SLC13A5: variants seen among roughly 807,000 people sequenced by gnomAD.
SLC13A5 encodes Na(+)/citrate cotransporter.
In SLC13A5, 25 loss-of-function variants were observed where a neutral mutation model predicts 56.5. The observed-to-expected ratio is 0.44, with a 90% CI of 0.32 to 0.62. The LOEUF (loss-of-function observed/expected upper bound fraction) is 0.62, where lower values mean the gene tolerates loss of function less well. SLC13A5 is among the 20% of genes least tolerant of loss of function. The pLI, the probability that SLC13A5 is intolerant of heterozygous loss-of-function variation, is 0.04. For synonymous variants in SLC13A5, 307 were observed against 301.5 expected (o/e 1.02, Z -0.19); for missense variants, 649 against 737.8 (o/e 0.88, Z 1.39).
rs1246227492 is a variant in SLC13A5 at position 6,711,312 on chromosome 17, C to T, written c.102+1920G>A. Among the ~76,000 whole-genome samples the T allele has an allele frequency of 6.6e-6, 1 of 152,120 alleles. No individual in the cohort carries two copies. Among genetic ancestry groups the T allele is most frequent in the Non-Finnish European group, 1.5e-5 (1 of 68,010 alleles). Reference sequence around the variant, plus strand: ...GACAAGGTCCAGGGTCCTCACCCAACCCCGCCAGAAGGAAAGCTCGTGAAG... The same window carrying T: ...GACAAGGTCCAGGGTCCTCACCCAATCCCGCCAGAAGGAAAGCTCGTGAAG... On this transcript the variant is annotated intron_variant, in intron 1 of 11. Transcript: ENST00000433363. The surrounding 1 kb of genome is among the most constrained non-coding windows in gnomAD (Gnocchi z 4.0).
At chr17:6,691,840 G>C (rs1973413875) in intron 9 of SLC13A5, among the ~76,000 whole-genome samples, 1 of 152,142 alleles carries the variant, frequency 6.6e-6, no homozygotes, top group Admixed American at 6.6e-5. Flanking sequence ...TTCAGTGGCT[G>C]TCTACTGCAT....
At position 6,706,753 on chromosome 17, in the gene SLC13A5, G is replaced by A. The variant is rs1973877695; in HGVS notation, c.257C>T (p.Thr86Ile). Residue 86 changes from threonine (T) to isoleucine (I), a missense_variant, in exon 3 of 12, where the codon ACC becomes ATC. Transcript: ENST00000433363. ...GAGGCCGCCCAGGAACAGCATGTTG[G>A]TGTCCTTCATGTACTGGACACACAC... The part of the protein sequence containing the change: ...RQVCVQYMKD[T>I]NMLFLGGLIV... 1.9e-6 allele frequency: 3 copies of A among 1,614,062 alleles called. No homozygotes were observed. In the East Asian group the frequency reaches 6.7e-5, roughly 36 times the overall value.
At chr17:6,691,179 T>C (rs1216704736) in intron 9 of SLC13A5, among the ~76,000 whole-genome samples, 1 of 152,210 alleles carries the variant, frequency 6.6e-6, no homozygotes, top group African/African-American at 2.4e-5. Context: ...GAAATGTCCA[T>C]CCAGATGTCC....
chr17:6,691,658 A>G (rs531471542), intron 9 of SLC13A5, among the ~76,000 whole-genome samples: 1 of 152,296 alleles, frequency 6.6e-6, no homozygotes, highest in South Asian at 2.1e-4. Context: ...CTGGGGGCCA[A>G]AGGAGGAGAG....
At position 6,692,839 on chromosome 17, in the gene SLC13A5, C is replaced by T; in HGVS notation, c.1275+205G>A. 1 of 582,422 alleles carries T rather than the reference C, an allele frequency of 1.7e-6. No homozygotes were observed. Among genetic ancestry groups the T allele is most frequent in the Non-Finnish European group, 3.1e-6 (1 of 326,298 alleles). The allele number at this position is 582,422 out of a possible 1,614,324, so 36.1% of individuals were successfully genotyped here. On this transcript the variant is annotated intron_variant, in intron 9 of 11. Transcript: ENST00000433363. The surrounding 1 kb of genome is among the most constrained non-coding windows in gnomAD (Gnocchi z 5.5). Reference sequence around the variant, plus strand: ...ACTCATTCACTCATTCCTGCAATCGCTCAAAGGTTACTTTCTGTCTTCCAG... The same window carrying T: ...ACTCATTCACTCATTCCTGCAATCGTTCAAAGGTTACTTTCTGTCTTCCAG...
rs1597651222 is a variant in SLC13A5 at position 6,686,106 on chromosome 17, T to G, written c.*101A>C. 6.5e-7 allele frequency: 1 copy of G among 1,537,720 alleles called. No individual in the cohort carries two copies. The highest frequency in any genetic ancestry group is 2.3e-5 in the East Asian group (1 of 44,064). Reference sequence around the variant, plus strand: ...TTGGTGGTGTGTGGACATCGTTGGGTCATTTTGGGGTGTGAACCCCAAAAC... The same window carrying G: ...TTGGTGGTGTGTGGACATCGTTGGGGCATTTTGGGGTGTGAACCCCAAAAC... On this transcript the variant is annotated 3_prime_UTR_variant, in exon 12 of 12. Transcript: ENST00000433363.
In SLC13A5 at chr17:6,692,968, G is replaced by T; in HGVS notation, c.1275+76C>A. 9.2e-7 allele frequency: 1 copy of T among 1,092,192 alleles called. No homozygotes were observed. Among genetic ancestry groups the T allele is most frequent in the Non-Finnish European group, 1.4e-6 (1 of 704,672 alleles). 67.7% of individuals were successfully genotyped at this position (1,092,192 alleles called of 1,614,324 possible). On this transcript the variant is annotated intron_variant, in intron 9 of 11. Transcript: ENST00000433363. The surrounding 1 kb of genome is among the most constrained non-coding windows in gnomAD (Gnocchi z 5.5). Reference sequence around the variant, plus strand: ...GCAGGCACAGAAACACACAAGCCCAGGGATGGAAGGGTGGAGAAACGCCAC... The same window carrying T: ...GCAGGCACAGAAACACACAAGCCCATGGATGGAAGGGTGGAGAAACGCCAC...
At chr17:6,690,655 A>T in intron 10 of SLC13A5, 124 bp downstream of exon 10, 1 of 1,345,994 alleles carries the variant, frequency 7.4e-7, no homozygotes, top group African/African-American at 1.4e-5. Flanking sequence ...CGTCACAGTC[A>T]GACCTGGGTC....
At chr17:6,710,013 G>C (rs577390015) in intron 1 of SLC13A5, among the ~76,000 whole-genome samples, 12 of 152,346 alleles carry the variant, frequency 7.9e-5, no homozygotes, top group Admixed American at 3.3e-4. Flanking sequence ...GGTGAGGGCA[G>C]GAGAAAGGGT....
At chr17:6,690,424 C>T (rs797002914) in intron 10 of SLC13A5, among the ~76,000 whole-genome samples, 2 of 152,368 alleles carry the variant, frequency 1.3e-5, no homozygotes, top group African/African-American at 4.8e-5. Context: ...CTGCAGTCCT[C>T]CTGCACACCT....
intron 6 of SLC13A5, among the ~76,000 whole-genome samples, chr17:6,698,429 G>A (rs980812402): frequency 2.6e-5 from 4 of 152,220 alleles, no homozygotes; most frequent in African/African-American, 7.2e-5. Context: ...CGGCCTCGGC[G>A]CCATGCTATC....
chr17:6,711,408 A>ATC lies in SLC13A5; in HGVS notation c.102+1822_102+1823dup, dbSNP rs57708304. Reference sequence around the variant, plus strand: ...TGGTCCTCACTCAAAGGACAGCTTAATCTCTCTCTCTCTCTCTCTTACACA... The same window carrying ATC: ...TGGTCCTCACTCAAAGGACAGCTTAATCTCTCTCTCTCTCTCTCTCTTACACA... On this transcript the variant is annotated intron_variant, in intron 1 of 11. Coordinates refer to ENST00000433363, the MANE Select transcript of SLC13A5 (RefSeq NM_177550.5). The surrounding 1 kb of genome is among the most constrained non-coding windows in gnomAD (Gnocchi z 4.0). Among the ~76,000 whole-genome samples the ATC allele has an allele frequency of 1.3e-3, 189 of 147,082 alleles. No homozygotes were observed. Among genetic ancestry groups the ATC allele is most frequent in the African/African-American group, 3.8e-3 (147 of 39,104 alleles).
rs768152742 is a variant in SLC13A5 at position 6,686,111 on chromosome 17, T to C, written c.*96A>G. On this transcript the variant is annotated 3_prime_UTR_variant, in exon 12 of 12. Transcript: ENST00000433363. ...GGTGTGTGGACATCGTTGGGTCATTTTGGGGTGTGAACCCCAAAACTCTGT... is the reference window on the plus strand; with the variant it reads ...GGTGTGTGGACATCGTTGGGTCATTCTGGGGTGTGAACCCCAAAACTCTGT... 1.5e-5 allele frequency: 24 copies of C among 1,556,640 alleles called. No homozygotes were observed. The highest frequency in any genetic ancestry group is 1.1e-4 in the South Asian group (9 of 84,958).
In SLC13A5 at chr17:6,713,194, G is replaced by T. The variant is rs1391920396; in HGVS notation, c.102+38C>A. The T allele has an allele frequency of 1.9e-6, 3 of 1,597,276 alleles. No individual in the cohort carries two copies. The highest frequency in any genetic ancestry group is 2.6e-6 in the Non-Finnish European group (3 of 1,167,210). ...CGGTGCCCGTTAGTGGGCACAGGACGCCGGGTGTCCGAAGGGCTGCCTGGA... is the reference window on the plus strand; with the variant it reads ...CGGTGCCCGTTAGTGGGCACAGGACTCCGGGTGTCCGAAGGGCTGCCTGGA... On this transcript the variant is annotated intron_variant, in intron 1 of 11. Coordinates refer to ENST00000433363, the MANE Select transcript of SLC13A5 (RefSeq NM_177550.5). The surrounding 1 kb of genome is among the most constrained non-coding windows in gnomAD (Gnocchi z 7.3).
chr17:6,687,448 ACT>A lies in SLC13A5; in HGVS notation c.1575+79_1575+80del. ...CCAAGTCACATGACATCGTTTTGAA[ACT>A]CTGTCATTCATAAATGGGGCATCCC... is the stretch of plus-strand genomic sequence containing the variant. On this transcript the variant is annotated intron_variant, in intron 11 of 11. Coordinates refer to ENST00000433363, the MANE Select transcript of SLC13A5 (RefSeq NM_177550.5). This position sits in a 1 kb window ranked among gnomAD's most constrained non-coding sequence, Gnocchi z 5.0. 16 of 1,583,798 alleles carry A rather than the reference ACT, an allele frequency of 1.0e-5. No individual in the cohort carries two copies. The highest frequency in any genetic ancestry group is 1.3e-5 in the Non-Finnish European group (15 of 1,163,202).
chr17:6,697,358 C>T (rs1973588771), intron 6 of SLC13A5, among the ~76,000 whole-genome samples: 2 of 152,194 alleles, frequency 1.3e-5, no homozygotes, highest in South Asian at 4.1e-4. Flanking sequence ...ACCACAGTAG[C>T]TGCAGACTCT....
At chr17:6,707,180 C>T (rs757690127) in intron 1 of SLC13A5, 24 bp from the exon 2 acceptor site, 3 of 1,611,998 alleles carry the variant, frequency 1.9e-6, no homozygotes, top group South Asian at 1.1e-5. Context: ...CCTGAGGCCT[C>T]AGCGTGTTGC....
intron 1 of SLC13A5, among the ~76,000 whole-genome samples, chr17:6,710,461 T>G (rs1291294010): frequency 6.6e-6 from 1 of 152,172 alleles, no homozygotes; most frequent in Non-Finnish European, 1.5e-5. Flanking sequence ...TTCTCTAAAC[T>G]TAGAAGCAGT....
chr17:6,697,236 G>C (rs1443681269), intron 6 of SLC13A5, among the ~76,000 whole-genome samples: 1 of 152,164 alleles, frequency 6.6e-6, no homozygotes, highest in Non-Finnish European at 1.5e-5. Flanking sequence ...TCGTCCTAGA[G>C]ACCCTGGGGC....
Sources: gnomAD v4.1 joint callset for allele counts (sites outside exome capture counted in the v4.1 genomes callset) on GRCh38, gnomAD v4.1.1 for gene constraint, Gnocchi (gnomAD v3.1) non-coding constraint, MANE v1.5 for transcripts, NCBI Gene and HGNC (gene_info 2026-07-23, HGNC 2026-07-21) for gene names.